ERCC5: variants seen among roughly 807,000 people sequenced by gnomAD.
The protein encoded by ERCC5 is DNA excision repair protein ERCC-5.
A neutral mutation model predicts 105.6 loss-of-function variants in ERCC5; 68 were observed. That is an observed-to-expected ratio of 0.64 (90% CI 0.53 to 0.79). The LOEUF is 0.79. Ranked by LOEUF, ERCC5 falls within the 30% of genes least tolerant of loss-of-function variation. The pLI is 0.00. For synonymous variants in ERCC5, 546 were observed against 526.2 expected (o/e 1.04, Z -0.51); for missense variants, 1,373 against 1,426.7 (o/e 0.96, Z 0.61).
At chr13:102,871,552 A>G (rs1883034421) in intron 12 of ERCC5, among the ~76,000 whole-genome samples, 1 of 152,102 alleles carries the variant, frequency 6.6e-6, no homozygotes, top group South Asian at 2.1e-4. Context: ...AACTGGAATC[A>G]TACTTTAAGT....
At chr13:102,864,065 T>C (rs1882744533) in intron 8 of ERCC5, among the ~76,000 whole-genome samples, 1 of 151,622 alleles carries the variant, frequency 6.6e-6, no homozygotes, top group African/African-American at 2.4e-5. Context: ...GACTCGGTAT[T>C]GGCTAATTTA....
intron 4 of ERCC5, 122 bp downstream of exon 4, chr13:102,854,496 C>G: frequency 2.1e-6 from 2 of 940,102 alleles, no homozygotes; most frequent in Admixed American, 4.0e-5. Context: ...CTGAAATAGG[C>G]ATGCTCTATA....
chr13:102,852,228 T>C lies in ERCC5; in HGVS notation c.199T>C (p.Phe67Leu), dbSNP rs1882232677. 2 of 1,614,158 alleles carry C rather than the reference T, an allele frequency of 1.2e-6. No homozygotes were observed. The highest frequency in any genetic ancestry group is 1.1e-5 in the South Asian group (1 of 91,080). The change falls in exon 2 of 15, where the codon TTT becomes CTT. Residue 67 changes from phenylalanine to leucine, a missense_variant. Physicochemically the swap from Phe to Leu is conservative, Grantham distance 22. Transcript: ENST00000652225. ...TLFHRLCKLL[F>L]FRIRPIFVFD... The stretch of plus-strand genomic sequence containing the variant: ...GTTTCATCGGCTCTGCAAACTCTTA[T>C]TTTTTCGAATTCGTCCTATTTTTGT...
At chr13:102,858,570 T>A in intron 6 of ERCC5, 152 bp downstream of exon 6, 1 of 1,225,018 alleles carries the variant, frequency 8.2e-7, no homozygotes, top group Non-Finnish European at 1.2e-6. Context: ...AGAAGCATCG[T>A]ATATTTATAC....
chr13:102,856,276 AAC>A (rs1178158196), intron 5 of ERCC5, among the ~76,000 whole-genome samples, 164 bp downstream of exon 5: 2 of 134,034 alleles, frequency 1.5e-5, no homozygotes, highest in Non-Finnish European at 3.2e-5. Context: ...ATGTATTTAA[AAC>A]ACACTCACCT....
chr13:102,854,410 C>A, intron 4 of ERCC5, 36 bp downstream of exon 4: 1 of 1,590,634 alleles, frequency 6.3e-7, no homozygotes, highest in Non-Finnish European at 8.6e-7. Context: ...TTATTTTAGT[C>A]ATTGCTACAT....
chr13:102,870,962 C>T (rs4150355), intron 12 of ERCC5, among the ~76,000 whole-genome samples: 44,018 of 152,078 alleles, frequency 0.29, 7,223 homozygotes, highest in Non-Finnish European at 0.37. Context: ...TCTGGTCAGT[C>T]GTCACTGCAT....
chr13:102,853,756 G>T lies in ERCC5; in HGVS notation c.265-1G>T, dbSNP rs1488083024. 1.9e-6 allele frequency: 3 copies of T among 1,610,980 alleles called. No homozygotes were observed. In the South Asian group the frequency reaches 3.3e-5, roughly 18 times the overall value. On this transcript the variant is annotated splice_acceptor_variant, in intron 2 of 14. Transcript: ENST00000652225. LOFTEE classifies it high-confidence loss of function. ...AGATCTTACATCCTTTCTTCTCATA[G>T]GTGAAGAGAAGGCAGAGAAAGGACT...
At position 102,875,980 on chromosome 13, in the gene ERCC5, A is replaced by G. The variant is rs1159921416; in HGVS notation, c.*77A>G. 1 of 1,547,778 alleles carries G rather than the reference A, an allele frequency of 6.5e-7. No individual in the cohort carries two copies. The highest frequency in any genetic ancestry group is 1.4e-5 in the African/African-American group (1 of 72,882). On this transcript the variant is annotated 3_prime_UTR_variant, in exon 15 of 15. Coordinates refer to ENST00000652225, the MANE Select transcript of ERCC5 (RefSeq NM_000123.4). ...TTTGTCGCAAAGACGTAATAAAATT[A>G]ACTGGTGGCACGGTCTTTGTATTTA...
At chr13:102,857,224 T>C (rs1595379914) in intron 5 of ERCC5, among the ~76,000 whole-genome samples, 1 of 152,234 alleles carries the variant, frequency 6.6e-6, no homozygotes, top group Non-Finnish European at 1.5e-5. Flanking sequence ...GCGGAGGTGC[T>C]GTGCTATTAA....
At chr13:102,870,082 T>C (rs895287963) in intron 12 of ERCC5, among the ~76,000 whole-genome samples, 3 of 152,226 alleles carry the variant, frequency 2.0e-5, no homozygotes, top group Non-Finnish European at 4.4e-5. Context: ...AAAATCAGAA[T>C]GTGGCCTCAC....
rs773263380 is a variant in ERCC5 at position 102,846,338 on chromosome 13, G to A, written c.72G>A (p.Gly24=). 1.1e-5 allele frequency: 18 copies of A among 1,614,000 alleles called. No individual in the cohort carries two copies. Among genetic ancestry groups the A allele is most frequent in the Non-Finnish European group, 1.4e-5 (17 of 1,180,002 alleles). ...GRQVSPEALE[G]KILAVDISIW... Reference sequence around the variant, plus strand: ...AGGTCAGCCCCGAAGCGCTGGAAGGGAAGATCCTGGCTGTTGGTATCCTTA... The same window carrying A: ...AGGTCAGCCCCGAAGCGCTGGAAGGAAAGATCCTGGCTGTTGGTATCCTTA... Residue 24 remains glycine, a synonymous_variant, in exon 1 of 15, where the codon GGG becomes GGA. Transcript: ENST00000652225.
At chr13:102,861,981 T>C (rs1388132026) in intron 7 of ERCC5, 49 bp from the exon 8 acceptor site, 2 of 1,605,148 alleles carry the variant, frequency 1.2e-6, no homozygotes, top group East Asian at 2.2e-5. Flanking sequence ...AGAAGCGTAT[T>C]GTCACACTGT....
intron 1 of ERCC5, among the ~76,000 whole-genome samples, chr13:102,850,156 C>T (rs1882151211): frequency 6.6e-6 from 1 of 152,144 alleles, no homozygotes; most frequent in Admixed American, 6.5e-5. Context: ...GATCTCCTGA[C>T]CTCAGGTGGT....
chr13:102,868,347 T>C lies in ERCC5; in HGVS notation c.2678+90T>C, dbSNP rs545025895. The stretch of plus-strand genomic sequence containing the variant: ...TTATTTACAGCATGAACTGTCATGC[T>C]GTAACATGTGAACAATGGTTCACTG... On this transcript the variant is annotated intron_variant, in intron 12 of 14. Transcript: ENST00000652225. 1.0e-4 allele frequency: 153 copies of C among 1,530,508 alleles called. No individual in the cohort carries two copies. The African/African-American group carries it at 1.9e-3, about 19-fold the overall frequency. The allele number at this position is 1,530,508 out of a possible 1,614,324, so 94.8% of individuals were successfully genotyped here. A position where few individuals can be genotyped will look rare whatever the true frequency, so the allele number is the denominator to read the frequency against.
intron 1 of ERCC5, among the ~76,000 whole-genome samples, chr13:102,847,958 C>G (rs781553646): frequency 5.4e-4 from 82 of 152,276 alleles, no homozygotes; most frequent in Non-Finnish European, 7.9e-4. Flanking sequence ...CCCAGGAGTT[C>G]AAGACCAGCC....
At position 102,868,110 on chromosome 13, in the gene ERCC5, T is replaced by C. The variant is rs867716479; in HGVS notation, c.2534-3T>C. On this transcript the variant is annotated splice_region_variant and splice_polypyrimidine_tract_variant and intron_variant, in intron 11 of 14. Coordinates refer to ENST00000652225, the MANE Select transcript of ERCC5 (RefSeq NM_000123.4). ...AAAATTAAAAAATATTGTTACTCTT[T>C]AGGATTGGACCGGAATAAGTTAATA... is the stretch of plus-strand genomic sequence containing the variant. 3 of 1,613,378 alleles carry C rather than the reference T, an allele frequency of 1.9e-6. No individual in the cohort carries two copies. The Middle Eastern group carries it at 5.0e-4, about 266-fold the overall frequency.
At chr13:102,873,684 A>T (rs1034220807) in intron 14 of ERCC5, among the ~76,000 whole-genome samples, 4 of 152,156 alleles carry the variant, frequency 2.6e-5, no homozygotes, top group Admixed American at 1.3e-4. Flanking sequence ...CTTCAAAGCA[A>T]TTCTGATCAT....
chr13:102,847,687 T>C (rs1050913574), intron 1 of ERCC5, among the ~76,000 whole-genome samples: 2 of 152,234 alleles, frequency 1.3e-5, no homozygotes, highest in African/African-American at 4.8e-5. Flanking sequence ...TGTTTTGTTT[T>C]GTTTTTTGTT....
Sources: allele counts gnomAD v4.1 joint callset (sites outside exome capture counted in the v4.1 genomes callset), GRCh38; gene constraint gnomAD v4.1.1; transcripts MANE v1.5; gene names NCBI Gene and HGNC (gene_info 2026-07-23, HGNC 2026-07-21).